MFHAS1: variants seen among roughly 807,000 people sequenced by gnomAD.
MFHAS1 encodes the protein malignant fibrous histiocytoma-amplified sequence 1.
Under a neutral mutation model 70.4 loss-of-function variants are expected in MFHAS1, and 50 were observed. The ratio of observed to expected loss-of-function variants is 0.71; its 90% CI spans 0.57 to 0.90. MFHAS1 has a LOEUF of 0.90. MFHAS1 is among the 40% of genes least tolerant of loss of function. The pLI, the probability that MFHAS1 is intolerant of heterozygous loss-of-function variation, is 0.00. For synonymous variants in MFHAS1, 952 were observed against 620.0 expected, an observed-to-expected ratio of 1.54 and a Z score of -7.96; for missense variants, 1,795 against 1,347.6, an observed-to-expected ratio of 1.33 and a Z score of -5.20.
intron 1 of MFHAS1, among the ~76,000 whole-genome samples, chr8:8,864,560 C>T (rs564553492): frequency 6.6e-6 from 1 of 152,338 alleles, no homozygotes; most frequent in South Asian, 2.1e-4. Flanking sequence ...TCAGTGAGAT[C>T]ACTTTTTATT....
intron 1 of MFHAS1, among the ~76,000 whole-genome samples, chr8:8,882,939 G>C (rs531517222): frequency 6.6e-6 from 1 of 152,238 alleles, no homozygotes; most frequent in East Asian, 1.9e-4. Flanking sequence ...GATCATCTGA[G>C]GTCAGGAGTT....
At chr8:8,804,903 C>A (rs778126587) in intron 1 of MFHAS1, among the ~76,000 whole-genome samples, 1 of 152,220 alleles carries the variant, frequency 6.6e-6, no homozygotes, top group Non-Finnish European at 1.5e-5. Flanking sequence ...TGGCAGAAGA[C>A]GATCGTCCTG....
chr8:8,785,884 A>T lies in MFHAS1; in HGVS notation c.*138T>A. Reference sequence around the variant, plus strand: ...CCCACCTCTTCCCCAGTCGTCCAAAAAGCACCCTGCAAGCACGCGTTGTCA... The same window carrying T: ...CCCACCTCTTCCCCAGTCGTCCAAATAGCACCCTGCAAGCACGCGTTGTCA... On this transcript the variant is annotated 3_prime_UTR_variant, in exon 3 of 3. Transcript: ENST00000276282. 2.4e-6 allele frequency: 2 copies of T among 816,568 alleles called. No homozygotes were observed. Among genetic ancestry groups the T allele is most frequent in the South Asian group, 3.2e-5 (2 of 62,336 alleles). 50.6% of individuals were successfully genotyped at this position (816,568 alleles called of 1,614,324 possible).
Position 8,849,064 on chromosome 8 carries a change from CTTTTTTTTTT to C in MFHAS1, c.2998+40987_2998+40996del, listed in dbSNP as rs145250762. ...TCTGCAGCAATTAATTCCTTTTTACCTTTTTTTTTTTTTTTTTTTTTTTTTTTTTTTGGAG... is the reference window on the plus strand; with the variant it reads ...TCTGCAGCAATTAATTCCTTTTTACCTTTTTTTTTTTTTTTTTTTTTGGAG... On this transcript the variant is annotated intron_variant, in intron 1 of 2. Coordinates refer to ENST00000276282, the MANE Select transcript of MFHAS1 (RefSeq NM_004225.3). Among the ~76,000 whole-genome samples, 90 of 75,806 alleles carry C rather than the reference CTTTTTTTTTT, an allele frequency of 1.2e-3. 1 individual carries two copies. Among genetic ancestry groups the C allele is most frequent in the Middle Eastern group, 0.013 (1 of 76 alleles). The allele number at this position is 75,806 out of a possible 152,430, so 49.7% of individuals were successfully genotyped here. A position where few individuals can be genotyped will look rare whatever the true frequency, so the allele number is the denominator to read the frequency against.
At chr8:8,854,660 G>A (rs567248289) in intron 1 of MFHAS1, among the ~76,000 whole-genome samples, 1 of 148,470 alleles carries the variant, frequency 6.7e-6, no homozygotes, top group Non-Finnish European at 1.5e-5. Context: ...ACTCCAGCCT[G>A]GATGACAGAG....
chr8:8,818,438 A>C (rs762736129), intron 1 of MFHAS1, among the ~76,000 whole-genome samples: 4 of 152,226 alleles, frequency 2.6e-5, no homozygotes, highest in Non-Finnish European at 5.9e-5. Flanking sequence ...TACGAGGAAG[A>C]GAAGGAGAAG....
intron 1 of MFHAS1, among the ~76,000 whole-genome samples, chr8:8,840,148 C>G (rs9329170): frequency 0.17 from 25,396 of 152,138 alleles, 2,396 homozygotes; most frequent in African/African-American, 0.26. Context: ...AGGAAGACTC[C>G]AGGGACGCAA....
chr8:8,823,559 A>G (rs529616055), intron 1 of MFHAS1, among the ~76,000 whole-genome samples: 3 of 152,138 alleles, frequency 2.0e-5, no homozygotes, highest in Non-Finnish European at 2.9e-5. Context: ...CTGTAAAAAT[A>G]TATTTTCTAC....
At chr8:8,806,077 G>A (rs769835279) in intron 1 of MFHAS1, among the ~76,000 whole-genome samples, 7 of 152,116 alleles carry the variant, frequency 4.6e-5, no homozygotes, top group African/African-American at 7.2e-5. Context: ...TGTTCCCTAC[G>A]TCTTCCTCAT....
chr8:8,888,316 C>A (rs936759429), intron 1 of MFHAS1, among the ~76,000 whole-genome samples: 8 of 152,174 alleles, frequency 5.3e-5, no homozygotes, highest in Non-Finnish European at 1.2e-4. Flanking sequence ...GATACTATTA[C>A]CAGCTGCATT....
At chr8:8,835,910 C>G (rs1807577607) in intron 1 of MFHAS1, among the ~76,000 whole-genome samples, 1 of 152,232 alleles carries the variant, frequency 6.6e-6, no homozygotes, top group Non-Finnish European at 1.5e-5. Context: ...TACATATTAT[C>G]TACGACTGCT....
Position 8,879,167 on chromosome 8 carries a change from G to A in MFHAS1, c.2998+10894C>T, listed in dbSNP as rs1009693007. Among the ~76,000 whole-genome samples, 5 of 152,224 alleles carry A rather than the reference G, an allele frequency of 3.3e-5. No homozygotes were observed. In the South Asian group the frequency reaches 6.2e-4, roughly 19 times the overall value. ...AGATTGAGACCAGGCTGGCCAACACGATGAAACCCCGTCTCTACTAAAAAT... is the reference window on the plus strand; with the variant it reads ...AGATTGAGACCAGGCTGGCCAACACAATGAAACCCCGTCTCTACTAAAAAT... On this transcript the variant is annotated intron_variant, in intron 1 of 2. Coordinates refer to ENST00000276282, the MANE Select transcript of MFHAS1 (RefSeq NM_004225.3).
At chr8:8,821,179 ATGAACTGCCTGCC>A (rs1195846438) in intron 1 of MFHAS1, among the ~76,000 whole-genome samples, 3 of 152,174 alleles carry the variant, frequency 2.0e-5, no homozygotes, top group Non-Finnish European at 4.4e-5. Context: ...TGGAAACGGA[ATGAACTGCCTGCC>A]TGAACTGCCT....
intron 1 of MFHAS1, among the ~76,000 whole-genome samples, chr8:8,834,142 A>AAAAC (rs760272626): frequency 6.6e-5 from 10 of 150,682 alleles, no homozygotes; most frequent in African/African-American, 9.8e-5. Flanking sequence ...CAAAAAAAAC[A>AAAAC]AAACAAACAA....
chr8:8,852,816 A>G (rs1808297152), intron 1 of MFHAS1, among the ~76,000 whole-genome samples: 1 of 152,192 alleles, frequency 6.6e-6, no homozygotes, highest in Non-Finnish European at 1.5e-5. Flanking sequence ...AGAGTCCGGT[A>G]AACAGTTTCT....
Position 8,890,899 on chromosome 8 carries a change from C to T in MFHAS1, c.2160G>A (p.Pro720=), listed in dbSNP as rs766559867. 4 of 1,613,952 alleles carry T rather than the reference C, an allele frequency of 2.5e-6. No individual in the cohort carries two copies. In the South Asian group the frequency reaches 3.3e-5, roughly 13 times the overall value. The change falls in exon 1 of 3, where the codon CCG becomes CCA. Residue 720 remains proline, a synonymous_variant. Coordinates refer to ENST00000276282, the MANE Select transcript of MFHAS1 (RefSeq NM_004225.3). ...TGTGGAAGACGTGCTCCTTGAGAGC[C>T]GGACTGTCCTCAAAGTAGAGTAGCT... ...SGKLLYFEDS[P]ALKEHVFHNL...
chr8:8,813,846 T>C (rs909570621), intron 1 of MFHAS1, among the ~76,000 whole-genome samples: 11 of 152,076 alleles, frequency 7.2e-5, no homozygotes, highest in Admixed American at 5.9e-4. Context: ...TGAGCCTCCA[T>C]ATTCACCCAC....
At chr8:8,846,145 C>A (rs1486484004) in intron 1 of MFHAS1, among the ~76,000 whole-genome samples, 2 of 150,978 alleles carry the variant, frequency 1.3e-5, no homozygotes, top group South Asian at 4.2e-4. Context: ...CCCAGCTACT[C>A]AGGAAGCTGA....
chr8:8,787,233 A>C (rs1352090091), intron 2 of MFHAS1, among the ~76,000 whole-genome samples: 4 of 151,968 alleles, frequency 2.6e-5, no homozygotes, highest in Non-Finnish European at 5.9e-5. Flanking sequence ...TGTGCCCGCC[A>C]CCACACGCGG....
Sources: gnomAD v4.1 joint callset for allele counts (sites outside exome capture counted in the v4.1 genomes callset) on GRCh38, gnomAD v4.1.1 for gene constraint, MANE v1.5 for transcripts, NCBI Gene and HGNC (gene_info 2026-07-23, HGNC 2026-07-21) for gene names.